CTNNA2: variants seen among roughly 807,000 people sequenced by gnomAD.
CTNNA2 encodes catenin alpha-2.
A neutral mutation model predicts 101.0 loss-of-function variants in CTNNA2; 42 were observed. The ratio of observed to expected loss-of-function variants is 0.42; its 90% CI spans 0.32 to 0.54. CTNNA2 has a LOEUF of 0.54. CTNNA2 is among the 20% of genes least tolerant of loss of function. The probability of loss-of-function intolerance (pLI) is 0.14; values close to 1 mark genes in which losing one functional copy is unlikely to be tolerated. For missense variants in CTNNA2, 871 were observed against 1,223.1 expected, an observed-to-expected ratio of 0.71 and a Z score of 4.29; for synonymous variants, 450 against 456.4, an observed-to-expected ratio of 0.99 and a Z score of 0.18.
intron 2 of CTNNA2, among the ~76,000 whole-genome samples, chr2:79,296,989 C>G (rs747747512): frequency 6.6e-6 from 1 of 152,076 alleles, no homozygotes; most frequent in Non-Finnish European, 1.5e-5. Flanking sequence ...TGTTTTATCA[C>G]CCTTAGAATA....
chr2:80,160,938 C>T (rs1704278043), intron 7 of CTNNA2, among the ~76,000 whole-genome samples: 1 of 151,948 alleles, frequency 6.6e-6, no homozygotes, highest in East Asian at 1.9e-4. Flanking sequence ...GAAAATGTTC[C>T]CCTCTATTCA....
At chr2:79,234,760 G>A (rs1372600466) in intron 2 of CTNNA2, among the ~76,000 whole-genome samples, 1 of 152,126 alleles carries the variant, frequency 6.6e-6, no homozygotes, top group African/African-American at 2.4e-5. Flanking sequence ...TTGTATGAGA[G>A]AGCTTATTTG....
chr2:79,511,145 A>T (rs527742801), upstream of CTNNA2, among the ~76,000 whole-genome samples: 9 of 152,302 alleles, frequency 5.9e-5, no homozygotes, highest in African/African-American at 2.2e-4. Context: ...ACCTCATTTG[A>T]CTAGGACAAC....
At chr2:80,142,556 T>C (rs1469446169) in intron 7 of CTNNA2, among the ~76,000 whole-genome samples, 1 of 152,174 alleles carries the variant, frequency 6.6e-6, no homozygotes, top group African/African-American at 2.4e-5. Context: ...AGATGGAACA[T>C]TCAGTTTCTC....
intron 2 of CTNNA2, among the ~76,000 whole-genome samples, chr2:79,655,546 T>G (rs1381136220): frequency 2.0e-5 from 3 of 152,144 alleles, no homozygotes; most frequent in Admixed American, 2.0e-4. Context: ...AAATTCTTTT[T>G]GGCTGGGCGT....
intron 15 of CTNNA2, 41 bp from the exon 16 acceptor site, chr2:80,604,033 C>T: frequency 6.4e-7 from 1 of 1,563,204 alleles, no homozygotes. Flanking sequence ...TCTTTCCCGT[C>T]ATTAAGTGGA....
intron 2 of CTNNA2, among the ~76,000 whole-genome samples, chr2:79,273,628 T>C (rs1002234145): frequency 6.6e-6 from 1 of 152,130 alleles, no homozygotes; most frequent in Non-Finnish European, 1.5e-5. Context: ...TTGATGATTC[T>C]GGTTTTCTGA....
chr2:80,634,496 A>C (rs1672650764), intron 18 of CTNNA2, among the ~76,000 whole-genome samples: 1 of 146,448 alleles, frequency 6.8e-6, no homozygotes, highest in Admixed American at 6.9e-5. Context: ...TGAGAGCAAA[A>C]TCAGAAGTAT....
rs564069061 is a variant in CTNNA2 at position 80,520,426 on chromosome 2, C to T, written c.1291-24556C>T. 4.7e-4 allele frequency among the ~76,000 whole-genome samples: 72 copies of T among 152,198 alleles called. 1 individual carries two copies. Among genetic ancestry groups the T allele is most frequent in the South Asian group, 4.1e-3 (20 of 4,824 alleles). On this transcript the variant is annotated intron_variant, in intron 9 of 18. Coordinates refer to ENST00000402739, the MANE Select transcript of CTNNA2 (RefSeq NM_001282597.3). Reference sequence around the variant, plus strand: ...TTTACTTCAGGCTGAGGGCCCTTGTCGGTTCAGGTATTATAACAAAATAGC... The same window carrying T: ...TTTACTTCAGGCTGAGGGCCCTTGTTGGTTCAGGTATTATAACAAAATAGC...
At chr2:79,677,132 T>G (rs1031180751) in intron 2 of CTNNA2, among the ~76,000 whole-genome samples, 9 of 152,322 alleles carry the variant, frequency 5.9e-5, no homozygotes, top group Admixed American at 4.6e-4. Context: ...GTTACAGTTA[T>G]TCATACTGTC....
chr2:79,863,605 A>C (rs1040975359), intron 4 of CTNNA2, among the ~76,000 whole-genome samples: 8 of 152,238 alleles, frequency 5.3e-5, no homozygotes. Flanking sequence ...AATAATTCTT[A>C]ACACTAATAG....
At chr2:80,603,792 C>A in intron 15 of CTNNA2, 1 of 333,676 alleles carries the variant, frequency 3.0e-6, no homozygotes, top group East Asian at 5.8e-5. Context: ...ATAAAATTTT[C>A]ATTTCTCTTG....
intron 7 of CTNNA2, among the ~76,000 whole-genome samples, chr2:80,080,609 G>T (rs2148801703): frequency 6.6e-6 from 1 of 152,250 alleles, no homozygotes; most frequent in Middle Eastern, 3.4e-3. Context: ...GTGTGGTTGA[G>T]ACTTCCCTGT....
At chr2:79,935,656 G>A (rs1231650882) in intron 7 of CTNNA2, among the ~76,000 whole-genome samples, 5 of 152,108 alleles carry the variant, frequency 3.3e-5, no homozygotes, top group Non-Finnish European at 7.3e-5. Flanking sequence ...GTAGTTATAC[G>A]AAGACTATAC....
chr2:80,570,168 C>T (rs1694454961), intron 12 of CTNNA2, among the ~76,000 whole-genome samples: 1 of 152,160 alleles, frequency 6.6e-6, no homozygotes, highest in African/African-American at 2.4e-5. Flanking sequence ...CATGCCTCAG[C>T]CTCTCGAGTA....
chr2:79,870,442 G>C, intron 5 of CTNNA2, among the ~76,000 whole-genome samples: 1 of 151,604 alleles, frequency 6.6e-6, no homozygotes, highest in East Asian at 2.0e-4. Context: ...ACGGAGAAAG[G>C]GAGAGAGAAC....
chr2:79,618,275 AGTG>A (rs1489033050), intron 1 of CTNNA2, among the ~76,000 whole-genome samples: 7 of 152,130 alleles, frequency 4.6e-5, no homozygotes, highest in Non-Finnish European at 1.0e-4. Context: ...GAATTTTCCC[AGTG>A]TACTTTGAAT....
chr2:80,474,579 A>G (rs756737520), intron 9 of CTNNA2, among the ~76,000 whole-genome samples: 4 of 152,160 alleles, frequency 2.6e-5, no homozygotes, highest in Non-Finnish European at 5.9e-5. Context: ...TCCTACCATA[A>G]ATTGAACCAT....
chr2:80,495,511 T>C (rs1413631308), intron 9 of CTNNA2, among the ~76,000 whole-genome samples: 3 of 152,182 alleles, frequency 2.0e-5, no homozygotes, highest in Admixed American at 1.3e-4. Context: ...GAGAGAAATA[T>C]TGAAGTATTA....
Sources: gnomAD v4.1 joint callset for allele counts (sites outside exome capture counted in the v4.1 genomes callset) on GRCh38, gnomAD v4.1.1 for gene constraint, MANE v1.5 for transcripts, NCBI Gene and HGNC (gene_info 2026-07-23, HGNC 2026-07-21) for gene names.